AUH: variants seen among roughly 807,000 people sequenced by gnomAD.
AUH encodes the protein AU RNA binding methylglutaconyl-CoA hydratase.
Under a neutral mutation model 42.3 loss-of-function variants are expected in AUH, and 29 were observed. That is an observed-to-expected ratio of 0.69 (90% CI 0.51 to 0.93). The LOEUF (loss-of-function observed/expected upper bound fraction) is 0.93, where lower values mean the gene tolerates loss of function less well. Among genes scored for constraint, AUH ranks in the 40% least tolerant of loss-of-function variants. The pLI, the probability that AUH is intolerant of heterozygous loss-of-function variation, is 0.00. For synonymous variants in AUH, 174 were observed against 166.4 expected, an observed-to-expected ratio of 1.05 and a Z score of -0.35; for missense variants, 452 against 438.1, an observed-to-expected ratio of 1.03 and a Z score of -0.28.
intron 6 of AUH, among the ~76,000 whole-genome samples, chr9:91,239,700 C>T (rs1828391656): frequency 6.6e-6 from 1 of 152,106 alleles, no homozygotes; most frequent in South Asian, 2.1e-4. Context: ...TGTTGTAATG[C>T]TTCCTATTCA....
At chr9:91,238,986 T>A (rs1036039627) in intron 6 of AUH, among the ~76,000 whole-genome samples, 1 of 152,230 alleles carries the variant, frequency 6.6e-6, no homozygotes, top group African/African-American at 2.4e-5. Flanking sequence ...AATATAGATG[T>A]TACTTCCCCC....
chr9:91,265,457 C>T (rs1363949085), intron 6 of AUH, among the ~76,000 whole-genome samples: 1 of 152,046 alleles, frequency 6.6e-6, no homozygotes, highest in Non-Finnish European at 1.5e-5. Context: ...TTTTCTTTCA[C>T]ACTGTCAATT....
intron 6 of AUH, among the ~76,000 whole-genome samples, chr9:91,272,212 T>C (rs944204616): frequency 5.5e-4 from 84 of 152,328 alleles, no homozygotes; most frequent in African/African-American, 2.0e-3. Flanking sequence ...TAATAGGCCA[T>C]GTGCTTCAAT....
At chr9:91,308,297 G>C (rs1367274458) in intron 4 of AUH, among the ~76,000 whole-genome samples, 1 of 152,186 alleles carries the variant, frequency 6.6e-6, no homozygotes, top group Non-Finnish European at 1.5e-5. Flanking sequence ...GGAGTTCAAG[G>C]CTACAGTGAG....
chr9:91,228,292 G>T (rs1162006870), intron 6 of AUH, among the ~76,000 whole-genome samples: 1 of 152,220 alleles, frequency 6.6e-6, no homozygotes. Flanking sequence ...AAGAGTGTAT[G>T]TGTCAAGGAA....
intron 6 of AUH, among the ~76,000 whole-genome samples, chr9:91,260,453 T>C (rs560311445): frequency 1.3e-5 from 2 of 152,322 alleles, no homozygotes; most frequent in East Asian, 3.9e-4. Context: ...TTCCATTCTA[T>C]CCTCACTACT....
rs146038026 is a variant in AUH, at chr9:91,245,233, G to GC, written c.656-24242dup. Among the ~76,000 whole-genome samples, 840 of 152,242 alleles carry GC rather than the reference G, an allele frequency of 5.5e-3. 10 individuals are homozygous for GC. The highest frequency in any genetic ancestry group is 0.042 in the East Asian group (218 of 5,158). On this transcript the variant is annotated intron_variant, in intron 6 of 9. Transcript: ENST00000375731. ...ACTGGAACCACGGCCCACCCCAGGAGCCCCGTGGGGAAGCATGGCCTACCC... is the reference window on the plus strand; with the variant it reads ...ACTGGAACCACGGCCCACCCCAGGAGCCCCCGTGGGGAAGCATGGCCTACCC...
At chr9:91,311,621 TATC>T (rs1306906163) in intron 4 of AUH, among the ~76,000 whole-genome samples, 3 of 152,220 alleles carry the variant, frequency 2.0e-5, no homozygotes, top group African/African-American at 7.2e-5. Flanking sequence ...CATCTTGAAA[TATC>T]ATCTAATTTA....
chr9:91,283,940 C>T (rs1031113302), intron 6 of AUH, among the ~76,000 whole-genome samples: 5 of 151,818 alleles, frequency 3.3e-5, no homozygotes, highest in Non-Finnish European at 5.9e-5. Flanking sequence ...ATGACTTTCT[C>T]CACAGAATTA....
chr9:91,252,781 GAAAC>G lies in AUH; in HGVS notation c.656-31793_656-31790del, dbSNP rs1829206797. ...GCTATCATAAAAGCCTTAAGGCAAA[GAAAC>G]AAAGCCAGTAGCATTGACCTTTTGA... On this transcript the variant is annotated intron_variant, in intron 6 of 9. Transcript: ENST00000375731. 3.3e-5 allele frequency among the ~76,000 whole-genome samples: 5 copies of G among 152,238 alleles called. No individual in the cohort carries two copies. The South Asian group carries it at 1.0e-3, about 32-fold the overall frequency.
At chr9:91,361,572 T>C in intron 1 of AUH, 56 bp downstream of exon 1, 2 of 1,546,590 alleles carry the variant, frequency 1.3e-6, no homozygotes, top group African/African-American at 1.4e-5. Context: ...CTTATGCCCG[T>C]CCTGAGAGCG....
chr9:91,259,685 C>T (rs908113453), intron 6 of AUH, among the ~76,000 whole-genome samples: 3 of 152,028 alleles, frequency 2.0e-5, no homozygotes, highest in African/African-American at 7.2e-5. Context: ...CTTACTTGAC[C>T]CACAGACTAC....
At chr9:91,241,388 A>G (rs1828506495) in intron 6 of AUH, among the ~76,000 whole-genome samples, 1 of 152,124 alleles carries the variant, frequency 6.6e-6, no homozygotes, top group African/African-American at 2.4e-5. Context: ...TATATAGACA[A>G]TATGTTATAT....
intron 6 of AUH, among the ~76,000 whole-genome samples, chr9:91,249,297 A>AAAAAAAAAAAAAAG (rs1828984289): frequency 0.014 from 1,450 of 103,600 alleles, 66 homozygotes; most frequent in Non-Finnish European, 0.023. Context: ...TGTCTCAAAA[A>AAAAAAAAAAAAAAG]AAAAAAAAAA....
At chr9:91,268,870 A>G (rs894317235) in intron 6 of AUH, among the ~76,000 whole-genome samples, 5 of 152,244 alleles carry the variant, frequency 3.3e-5, no homozygotes, top group African/African-American at 1.2e-4. Flanking sequence ...GATATGCATA[A>G]TACAATATCT....
chr9:91,313,268 G>A (rs1467863957), intron 4 of AUH, among the ~76,000 whole-genome samples: 1 of 152,172 alleles, frequency 6.6e-6, no homozygotes, highest in African/African-American at 2.4e-5. Context: ...GGGGATTTGA[G>A]CAGGAGCTCA....
At chr9:91,290,718 A>G (rs1336044924) in intron 6 of AUH, among the ~76,000 whole-genome samples, 1 of 152,122 alleles carries the variant, frequency 6.6e-6, no homozygotes, top group African/African-American at 2.4e-5. Context: ...GTTATAGCAT[A>G]ATCTATCTTT....
intron 4 of AUH, chr9:91,306,198 C>T: frequency 4.2e-6 from 1 of 237,508 alleles, no homozygotes; most frequent in Non-Finnish European, 6.8e-6. Flanking sequence ...ATAAAAAGGG[C>T]CAACCCCAGA....
chr9:91,306,270 A>G, intron 4 of AUH: 3 of 757,978 alleles, frequency 4.0e-6, no homozygotes, highest in Non-Finnish European at 4.8e-6. Context: ...TGCACAGATG[A>G]CAGGCTGGCA....
Sources: allele counts gnomAD v4.1 joint callset (sites outside exome capture counted in the v4.1 genomes callset), GRCh38; gene constraint gnomAD v4.1.1; transcripts MANE v1.5; gene names NCBI Gene and HGNC (gene_info 2026-07-23, HGNC 2026-07-21).